Variants in PDE4D observed in about 807,000 individuals in gnomAD.
PDE4D encodes the protein phosphodiesterase 4D.
PDE4D carries 24 observed loss-of-function variants against 87.4 expected under a neutral mutation model. The observed-to-expected ratio is 0.27, with a 90% confidence interval of 0.20 to 0.39. The LOEUF is 0.39. PDE4D is among the 10% of genes least tolerant of loss of function. PDE4D has a pLI of 1.00. For missense variants in PDE4D, 714 were observed against 1,041.0 expected (o/e 0.69, Z 4.32); for synonymous variants, 384 against 383.2 (o/e 1.00, Z -0.02).
At chr5:60,486,567 T>G (rs1236123695) in intron 1 of PDE4D, among the ~76,000 whole-genome samples, 1 of 152,168 alleles carries the variant, frequency 6.6e-6, no homozygotes, top group Non-Finnish European at 1.5e-5. Context: ...CAACAAAACT[T>G]TGTATTTCCA....
In PDE4D at chr5:60,097,969, T is replaced by G. The variant is rs554155778; in HGVS notation, c.42+87588A>C. Among the ~76,000 whole-genome samples, 6 of 152,062 alleles carry G rather than the reference T, an allele frequency of 3.9e-5. No individual in the cohort carries two copies. In the South Asian group the frequency reaches 1.0e-3, roughly 26 times the overall value. On this transcript the variant is annotated intron_variant, in intron 2 of 16. Transcript: ENST00000502484. Reference sequence around the variant, plus strand: ...GGGTGTGAAGTGAGATTACTTAATCTCAAAAATAGGATTTCTTACTTAGCT... The same window carrying G: ...GGGTGTGAAGTGAGATTACTTAATCGCAAAAATAGGATTTCTTACTTAGCT...
In PDE4D at chr5:58,974,516, C is replaced by G. The variant is rs557609939; in HGVS notation, c.*148G>C. On this transcript the variant is annotated 3_prime_UTR_variant, in exon 15 of 15. Coordinates refer to ENST00000340635, the MANE Select transcript of PDE4D (RefSeq NM_001104631.2). ...AAAAACTGGTTACGATATTCCTGAG[C>G]GCTGGACTGAGTAGTCAAGGTCAGT... 3 of 650,848 alleles carry G rather than the reference C, an allele frequency of 4.6e-6. No individual in the cohort carries two copies. The highest frequency in any genetic ancestry group is 3.6e-5 in the African/African-American group (2 of 55,798). The allele number at this position is 650,848 out of a possible 1,614,324, so 40.3% of individuals were successfully genotyped here.
chr5:60,359,689 T>C (rs937332524), intron 1 of PDE4D, among the ~76,000 whole-genome samples: 2 of 152,218 alleles, frequency 1.3e-5, no homozygotes, highest in African/African-American at 4.8e-5. Flanking sequence ...ACACATCTTA[T>C]AAAATGTCTT....
At chr5:59,876,716 T>C (rs963814477) in intron 1 of PDE4D, among the ~76,000 whole-genome samples, 4 of 152,212 alleles carry the variant, frequency 2.6e-5, no homozygotes, top group Non-Finnish European at 5.9e-5. Flanking sequence ...AAAACTCTTC[T>C]ATATGAGGAA....
intron 1 of PDE4D, among the ~76,000 whole-genome samples, chr5:59,271,358 T>C (rs138820393): frequency 6.6e-6 from 1 of 152,228 alleles, no homozygotes; most frequent in Non-Finnish European, 1.5e-5. Flanking sequence ...AAAATATTGA[T>C]ATGTTAAATG....
intron 4 of PDE4D, among the ~76,000 whole-genome samples, chr5:59,181,067 A>G (rs1741428376): frequency 6.6e-6 from 1 of 152,216 alleles, no homozygotes; most frequent in Non-Finnish European, 1.5e-5. Flanking sequence ...GTACATTATC[A>G]GAAGTGAATG....
intron 1 of PDE4D, among the ~76,000 whole-genome samples, chr5:60,367,106 G>GTTT: frequency 6.6e-6 from 1 of 151,990 alleles, no homozygotes; most frequent in South Asian, 2.1e-4. Context: ...TTTTTTTGTT[G>GTTT]TTGTTGGGAG....
intron 1 of PDE4D, among the ~76,000 whole-genome samples, chr5:59,689,872 G>A (rs184829175): frequency 0.085 from 12,990 of 152,158 alleles, 1,727 homozygotes; most frequent in African/African-American, 0.29. Flanking sequence ...CTTCAGCAAA[G>A]TCTCAGGATA....
intron 1 of PDE4D, among the ~76,000 whole-genome samples, chr5:60,213,800 C>G (rs1219732832): frequency 1.3e-5 from 2 of 152,082 alleles, no homozygotes; most frequent in African/African-American, 4.8e-5. Flanking sequence ...TCCCTCTGGC[C>G]CTCAATTGCC....
chr5:59,294,671 A>G (rs1768712487), intron 1 of PDE4D, among the ~76,000 whole-genome samples: 1 of 152,220 alleles, frequency 6.6e-6, no homozygotes, highest in Non-Finnish European at 1.5e-5. Flanking sequence ...AATACTTGAA[A>G]GAACAATGCA....
intron 2 of PDE4D, among the ~76,000 whole-genome samples, chr5:60,003,441 G>T (rs1468751410): frequency 1.3e-5 from 2 of 152,052 alleles, no homozygotes; most frequent in Non-Finnish European, 2.9e-5. Context: ...GCTGGGCGTG[G>T]TGACTCACGC....
chr5:59,185,420 A>C (rs1201800850), intron 3 of PDE4D, among the ~76,000 whole-genome samples, 158 bp from the exon 4 acceptor site: 1 of 152,178 alleles, frequency 6.6e-6, no homozygotes, highest in Non-Finnish European at 1.5e-5. Flanking sequence ...AGGTATCCAC[A>C]CGAAATCCAG....
chr5:59,028,906 C>T (rs1378441974), intron 6 of PDE4D, among the ~76,000 whole-genome samples: 1 of 152,078 alleles, frequency 6.6e-6, no homozygotes, highest in Non-Finnish European at 1.5e-5. Context: ...AATGTTTTCT[C>T]ATTTTGTTAT....
chr5:59,318,377 T>C (rs1401517533), intron 1 of PDE4D, among the ~76,000 whole-genome samples: 1 of 152,124 alleles, frequency 6.6e-6, no homozygotes. Context: ...CAAATCCCTA[T>C]TAAATGGAAA....
intron 1 of PDE4D, among the ~76,000 whole-genome samples, chr5:59,665,831 C>G (rs1745992413): frequency 6.6e-6 from 1 of 152,176 alleles, no homozygotes; most frequent in South Asian, 2.1e-4. Context: ...AGTGAGGACA[C>G]AGCAAGAAGA....
intron 2 of PDE4D, among the ~76,000 whole-genome samples, chr5:60,001,785 T>C (rs963864733): frequency 2.0e-5 from 3 of 151,738 alleles, no homozygotes; most frequent in African/African-American, 7.3e-5. Context: ...AGAGTTTTTG[T>C]ATGTGATTGA....
rs564248041 is a variant in PDE4D, at chr5:59,334,247, G to GTTT, written c.456-118282_456-118280dup. Among the ~76,000 whole-genome samples, 57 of 98,638 alleles carry GTTT rather than the reference G, an allele frequency of 5.8e-4. 4 individuals carry two copies. Among genetic ancestry groups the GTTT allele is most frequent in the African/African-American group, 1.7e-3 (42 of 24,336 alleles). 64.7% of individuals were successfully genotyped at this position (98,638 alleles called of 152,430 possible). A position where few individuals can be genotyped will look rare whatever the true frequency, so the allele number is the denominator to read the frequency against. ...AAGTTGGAAGAGAGGATCCAGTGGA[G>GTTT]TTTTTTTTTTTTTTTTTTTTTTTTT... On this transcript the variant is annotated intron_variant, in intron 1 of 14. Transcript: ENST00000340635.
intron 1 of PDE4D, among the ~76,000 whole-genome samples, chr5:59,649,039 T>C (rs1455291257): frequency 1.3e-5 from 2 of 152,224 alleles, no homozygotes; most frequent in East Asian, 3.8e-4. Flanking sequence ...CTGTCAGTAC[T>C]TAAATTCTAC....
chr5:59,774,283 G>A (rs55704150), intron 1 of PDE4D, among the ~76,000 whole-genome samples: 26,568 of 152,066 alleles, frequency 0.17, 3,058 homozygotes, highest in South Asian at 0.26. Context: ...AATTTGTGTA[G>A]AAATGGAAAG....
Sources: allele counts gnomAD v4.1 joint callset (sites outside exome capture counted in the v4.1 genomes callset), GRCh38; gene constraint gnomAD v4.1.1; transcripts MANE v1.5; gene names NCBI Gene and HGNC (gene_info 2026-07-23, HGNC 2026-07-21).